The following APBA1 variants were observed in gnomAD, a reference collection of about 807,000 sequenced individuals.
APBA1 encodes the protein amyloid-beta A4 precursor protein-binding family A member 1.
A neutral mutation model predicts 86.6 loss-of-function variants in APBA1; 55 were observed. That is an observed-to-expected ratio of 0.64 (90% CI 0.51 to 0.80). The LOEUF (loss-of-function observed/expected upper bound fraction) is 0.80, where lower values mean the gene tolerates loss of function less well. Among genes scored for constraint, APBA1 ranks in the 30% least tolerant of loss-of-function variants. The pLI, the probability that APBA1 is intolerant of heterozygous loss-of-function variation, is 0.00. For missense variants in APBA1, 1,090 were observed against 1,183.0 expected (o/e 0.92, Z 1.15); for synonymous variants, 511 against 493.9 (o/e 1.03, Z -0.46).
chr9:69,453,933 A>T (rs1835053759), intron 8 of APBA1, among the ~76,000 whole-genome samples: 1 of 152,202 alleles, frequency 6.6e-6, no homozygotes, highest in Admixed American at 6.5e-5. Context: ...AGAACAGGAT[A>T]TGGAGGTTGA....
chr9:69,472,685 G>A (rs767873795), intron 3 of APBA1: 1 of 152,178 alleles, frequency 6.6e-6, no homozygotes, highest in Non-Finnish European at 1.5e-5. Flanking sequence ...AAGATATCTG[G>A]CACTGAATAG....
intron 1 of APBA1, among the ~76,000 whole-genome samples, chr9:69,584,913 A>C (rs757585191): frequency 3.9e-5 from 6 of 152,248 alleles, no homozygotes; most frequent in Non-Finnish European, 7.3e-5. Flanking sequence ...ACTTCTGATT[A>C]CTTAGCACAA....
chr9:69,452,337 G>A, intron 8 of APBA1, 36 bp from the exon 9 acceptor site: 1 of 1,607,524 alleles, frequency 6.2e-7, no homozygotes, highest in Non-Finnish European at 8.5e-7. Flanking sequence ...ATGGTCAGCA[G>A]GGCAGTGCAC....
intron 1 of APBA1, among the ~76,000 whole-genome samples, chr9:69,529,773 G>T (rs1836394955): frequency 6.6e-6 from 1 of 152,006 alleles, no homozygotes; most frequent in Non-Finnish European, 1.5e-5. Flanking sequence ...TAGAATAGGA[G>T]AAAATATTTC....
chr9:69,514,034 A>C (rs1836093921), intron 2 of APBA1, among the ~76,000 whole-genome samples: 1 of 152,226 alleles, frequency 6.6e-6, no homozygotes, highest in Admixed American at 6.5e-5. Context: ...CTTTATAGCA[A>C]ACGAGTCAGA....
intron 1 of APBA1, among the ~76,000 whole-genome samples, chr9:69,608,412 G>C (rs369438603): frequency 1.3e-5 from 2 of 152,234 alleles, no homozygotes; most frequent in South Asian, 2.1e-4. Context: ...AAGGAAAGGG[G>C]GAGTAGGTGA....
At chr9:69,623,621 C>T (rs1367304357) in intron 1 of APBA1, among the ~76,000 whole-genome samples, 1 of 152,140 alleles carries the variant, frequency 6.6e-6, no homozygotes, top group East Asian at 1.9e-4. Context: ...AATTTTAATG[C>T]ATATAAAAAC....
At chr9:69,553,484 G>T (rs1299069842) in intron 1 of APBA1, among the ~76,000 whole-genome samples, 1 of 152,092 alleles carries the variant, frequency 6.6e-6, no homozygotes, top group Non-Finnish European at 1.5e-5. Flanking sequence ...ACTCTTTTGT[G>T]TCTGGCTTTA....
At chr9:69,564,565 T>C (rs191390184) in intron 1 of APBA1, among the ~76,000 whole-genome samples, 105 of 152,212 alleles carry the variant, frequency 6.9e-4, no homozygotes, top group South Asian at 6.2e-4. Flanking sequence ...ATCTAGTAAA[T>C]AACTACCCAA....
rs181885527 is a variant in APBA1 at position 69,429,875 on chromosome 9, C to G, written c.*1452G>C. The G allele has an allele frequency of 2.6e-5, 4 of 152,128 alleles. No individual in the cohort carries two copies. In the East Asian group the frequency reaches 7.7e-4, roughly 29 times the overall value. The allele number at this position is 152,128 out of a possible 1,614,324, so 9.4% of individuals were successfully genotyped here. A position where few individuals can be genotyped will look rare whatever the true frequency, so the allele number is the denominator to read the frequency against. On this transcript the variant is annotated 3_prime_UTR_variant, in exon 13 of 13. Coordinates refer to ENST00000265381, the MANE Select transcript of APBA1 (RefSeq NM_001163.4). ...TACTGAGGTCATGAATGAAACAAAA[C>G]AAAAGCAAAGCCAAATCACACCTCA...
At chr9:69,562,221 T>C (rs1836957298) in intron 1 of APBA1, among the ~76,000 whole-genome samples, 1 of 152,168 alleles carries the variant, frequency 6.6e-6, no homozygotes, top group Non-Finnish European at 1.5e-5. Context: ...CTATTATGTG[T>C]CAGTTATAAT....
intron 1 of APBA1, among the ~76,000 whole-genome samples, chr9:69,534,855 A>C (rs901856292): frequency 6.6e-6 from 1 of 152,240 alleles, no homozygotes. Context: ...CTACTGTGAA[A>C]GATGAGGATA....
rs566250094 is a variant in APBA1 at position 69,596,883 on chromosome 9, T to C, written c.-70+75270A>G. On this transcript the variant is annotated intron_variant, in intron 1 of 12. Transcript: ENST00000265381. ...CTTCCTAAAACTAGCAGATTAGAAGTGGATGTGAAGACACCTTGAAAAGTG... is the reference window on the plus strand; with the variant it reads ...CTTCCTAAAACTAGCAGATTAGAAGCGGATGTGAAGACACCTTGAAAAGTG... 2.0e-5 allele frequency among the ~76,000 whole-genome samples: 3 copies of C among 152,332 alleles called. No homozygotes were observed. In the South Asian group the frequency reaches 6.2e-4, roughly 32 times the overall value.
intron 2 of APBA1, among the ~76,000 whole-genome samples, chr9:69,512,036 C>G (rs1279167445): frequency 6.6e-6 from 1 of 150,782 alleles, no homozygotes; most frequent in Non-Finnish European, 1.5e-5. Flanking sequence ...AACTAACCTG[C>G]ACAATGTGCA....
intron 1 of APBA1, among the ~76,000 whole-genome samples, chr9:69,590,711 T>TTG (rs1822112326): frequency 6.6e-6 from 1 of 152,086 alleles, no homozygotes; most frequent in Non-Finnish European, 1.5e-5. Flanking sequence ...TGCCCACGAA[T>TTG]TGTGTCAGTC....
intron 1 of APBA1, among the ~76,000 whole-genome samples, chr9:69,644,401 T>C (rs1238310619): frequency 6.6e-6 from 1 of 152,168 alleles, no homozygotes; most frequent in African/African-American, 2.4e-5. Context: ...TGCCAGTATT[T>C]TGTACTCTTT....
chr9:69,454,148 G>A (rs1205634358), intron 8 of APBA1, among the ~76,000 whole-genome samples: 3 of 152,212 alleles, frequency 2.0e-5, no homozygotes, highest in African/African-American at 7.2e-5. Context: ...CTTATTAACA[G>A]CAAAATGGGA....
At chr9:69,448,916 A>T (rs1405109941) in intron 10 of APBA1, among the ~76,000 whole-genome samples, 1 of 152,198 alleles carries the variant, frequency 6.6e-6, no homozygotes, top group Non-Finnish European at 1.5e-5. Flanking sequence ...TTCATGTCTA[A>T]AGAAAATCTC....
intron 1 of APBA1, among the ~76,000 whole-genome samples, chr9:69,534,725 C>G (rs1196488602): frequency 4.6e-5 from 7 of 152,262 alleles, no homozygotes; most frequent in Non-Finnish European, 2.9e-5. Context: ...AAAATATCCC[C>G]TTTTCACTGT....
Sources: allele counts gnomAD v4.1 joint callset (sites outside exome capture counted in the v4.1 genomes callset), GRCh38; gene constraint gnomAD v4.1.1; transcripts MANE v1.5; gene names NCBI Gene and HGNC (gene_info 2026-07-23, HGNC 2026-07-21).